INSYN2B: variants seen among roughly 807,000 people sequenced by gnomAD.
INSYN2B encodes protein INSYN2B.
A neutral mutation model predicts 41.2 loss-of-function variants in INSYN2B; 16 were observed. That is an observed-to-expected ratio of 0.39 (90% CI 0.26 to 0.59). INSYN2B has a LOEUF of 0.59. Among genes scored for constraint, INSYN2B ranks in the 20% least tolerant of loss-of-function variants. The probability of loss-of-function intolerance (pLI) is 0.57; values close to 1 mark genes in which losing one functional copy is unlikely to be tolerated. For synonymous variants in INSYN2B, 245 were observed against 244.4 expected (o/e 1.00, Z -0.02); for missense variants, 608 against 646.4 (o/e 0.94, Z 0.64).
chr5:169,946,557 TCATC>T (rs886399899), intron 1 of INSYN2B, among the ~76,000 whole-genome samples: 15 of 152,148 alleles, frequency 9.9e-5, no homozygotes, highest in East Asian at 3.8e-4. Context: ...GCATAGTCAC[TCATC>T]CATTCATTCA....
intron 3 of INSYN2B, chr5:169,875,250 C>T (rs370395305): frequency 7.9e-5 from 36 of 456,660 alleles, no homozygotes; most frequent in Middle Eastern, 3.3e-4. Context: ...CTGCGGATTC[C>T]CATCCTCCAC....
intron 1 of INSYN2B, among the ~76,000 whole-genome samples, chr5:169,957,001 A>G (rs1216838212): frequency 6.6e-6 from 1 of 151,980 alleles, no homozygotes; most frequent in Admixed American, 6.6e-5. Context: ...GAGCAATACA[A>G]TGGTATCATT....
chr5:169,932,835 G>A (rs998803982), intron 1 of INSYN2B, among the ~76,000 whole-genome samples: 19 of 152,040 alleles, frequency 1.2e-4, no homozygotes, highest in African/African-American at 4.3e-4. Context: ...TTAAAAAAGA[G>A]ATGTGATATC....
At chr5:169,904,397 C>G (rs529613039) in intron 1 of INSYN2B, among the ~76,000 whole-genome samples, 1 of 152,306 alleles carries the variant, frequency 6.6e-6, no homozygotes, top group South Asian at 2.1e-4. Flanking sequence ...AAATCACCTA[C>G]CTGTCTATGG....
intron 1 of INSYN2B, among the ~76,000 whole-genome samples, chr5:169,891,985 G>T (rs1346235076): frequency 7.9e-6 from 1 of 126,174 alleles, no homozygotes; most frequent in East Asian, 2.5e-4. Flanking sequence ...AACAGTGCGA[G>T]ATTCCGTCCC....
At chr5:169,938,273 C>T (rs1776081575) in intron 1 of INSYN2B, among the ~76,000 whole-genome samples, 1 of 151,116 alleles carries the variant, frequency 6.6e-6, no homozygotes, top group African/African-American at 2.4e-5. Flanking sequence ...CCTGGGATGT[C>T]CGTGTCCAAA....
chr5:169,916,414 C>A (rs975335394), intron 1 of INSYN2B, among the ~76,000 whole-genome samples: 3 of 152,178 alleles, frequency 2.0e-5, no homozygotes, highest in Non-Finnish European at 4.4e-5. Context: ...TGTTCTGGAG[C>A]TGAAGAAACC....
intron 1 of INSYN2B, among the ~76,000 whole-genome samples, chr5:169,978,696 C>A (rs942245382): frequency 6.6e-6 from 1 of 152,068 alleles, no homozygotes; most frequent in African/African-American, 2.4e-5. Flanking sequence ...GACCTCCCTA[C>A]GTCCCGAAGG....
chr5:169,888,120 T>G (rs918409351), intron 1 of INSYN2B, among the ~76,000 whole-genome samples: 1 of 152,216 alleles, frequency 6.6e-6, no homozygotes, highest in Non-Finnish European at 1.5e-5. Context: ...CTAGGAAGTT[T>G]AGGAAATACA....
rs1040098867 is a variant in INSYN2B, at chr5:169,912,405, C to T, written c.-918-27589G>A. On this transcript the variant is annotated intron_variant, in intron 1 of 3. Coordinates refer to ENST00000377365, the MANE Select transcript of INSYN2B (RefSeq NM_001129891.3). ...TCTATTGGCTTTCAGGATTGTTGCT[C>T]TACTTGCGAAGGGTCTTTAATAGTC... 3.2e-4 allele frequency among the ~76,000 whole-genome samples: 48 copies of T among 152,096 alleles called. 1 individual carries two copies. Among genetic ancestry groups the T allele is most frequent in the Non-Finnish European group, 5.9e-5 (4 of 68,028 alleles).
intron 1 of INSYN2B, among the ~76,000 whole-genome samples, chr5:169,965,571 A>G (rs1031666373): frequency 6.6e-6 from 1 of 152,192 alleles, no homozygotes; most frequent in African/African-American, 2.4e-5. Context: ...ACATATTAAG[A>G]TCACCCAGGG....
chr5:169,975,100 G>A (rs1223917392), intron 1 of INSYN2B, among the ~76,000 whole-genome samples: 1 of 152,154 alleles, frequency 6.6e-6, no homozygotes, highest in Non-Finnish European at 1.5e-5. Context: ...TAAAGTCCAT[G>A]CCCACACCTG....
intron 1 of INSYN2B, among the ~76,000 whole-genome samples, chr5:169,902,424 A>G (rs977264346): frequency 6.6e-6 from 1 of 152,244 alleles, no homozygotes; most frequent in African/African-American, 2.4e-5. Context: ...AGTAGTGAAT[A>G]GTCCAGCAGG....
intron 1 of INSYN2B, among the ~76,000 whole-genome samples, chr5:169,944,793 T>C (rs1776380441): frequency 6.6e-6 from 1 of 152,224 alleles, no homozygotes; most frequent in Non-Finnish European, 1.5e-5. Flanking sequence ...TTGTCTGTGA[T>C]GATCGGAAAG....
At chr5:169,978,385 GTGTGT>G (rs1342099076) in intron 1 of INSYN2B, among the ~76,000 whole-genome samples, 8 of 60,582 alleles carry the variant, frequency 1.3e-4, no homozygotes, top group Non-Finnish European at 2.6e-4. Flanking sequence ...ATGTGTGTGT[GTGTGT>G]GTGGGGGGGG....
intron 1 of INSYN2B, among the ~76,000 whole-genome samples, chr5:169,937,915 T>A (rs549741993): frequency 5.6e-4 from 85 of 152,334 alleles, no homozygotes; most frequent in African/African-American, 1.9e-3. Flanking sequence ...CTCCCTTCTT[T>A]GTCTTTCACA....
chr5:169,978,347 T>G (rs561138184), intron 1 of INSYN2B, among the ~76,000 whole-genome samples: 77 of 117,754 alleles, frequency 6.5e-4, no homozygotes, highest in Non-Finnish European at 9.4e-4. Flanking sequence ...TCAGTTCACA[T>G]GGCACTGCAG....
chr5:169,863,987 G>T lies in INSYN2B; in HGVS notation c.*286C>A, dbSNP rs1055523399. 1.3e-5 allele frequency among the ~76,000 whole-genome samples: 2 copies of T among 152,164 alleles called. No homozygotes were observed. Among genetic ancestry groups the T allele is most frequent in the African/African-American group, 4.8e-5 (2 of 41,440 alleles). ...GGGTTTTGCTCGTGGTGGGAATCTGGTCTTAAAACTCAGCATGAGTTCTGG... is the reference window on the plus strand; with the variant it reads ...GGGTTTTGCTCGTGGTGGGAATCTGTTCTTAAAACTCAGCATGAGTTCTGG... On this transcript the variant is annotated 3_prime_UTR_variant, in exon 4 of 4. Coordinates refer to ENST00000377365, the MANE Select transcript of INSYN2B (RefSeq NM_001129891.3).
Position 169,881,440 on chromosome 5 carries a change from C to A in INSYN2B, c.1349G>T (p.Arg450Leu). The A allele has an allele frequency of 1.9e-6, 3 of 1,551,322 alleles. No individual in the cohort carries two copies. Among genetic ancestry groups the A allele is most frequent in the Non-Finnish European group, 8.7e-7 (1 of 1,146,736 alleles). Residue 450 changes from arginine to leucine, a missense_variant and splice_region_variant, in exon 3 of 4, where the codon CGC becomes CTC. Physicochemically the swap from Arg to Leu is moderately radical, Grantham distance 102. Transcript: ENST00000377365. ...LEKARALTEG[R>L]NFYRTGQDLN... The stretch of plus-strand genomic sequence containing the variant: ...ATCTTGGCCAGTTCGATAAAAGTTG[C>A]GCCTGCAAGACAGAGCATTTGCTGG...
Sources: gnomAD v4.1 joint callset for allele counts (sites outside exome capture counted in the v4.1 genomes callset) on GRCh38, gnomAD v4.1.1 for gene constraint, MANE v1.5 for transcripts, NCBI Gene and HGNC (gene_info 2026-07-23, HGNC 2026-07-21) for gene names.